The following DENND5B variants were observed in gnomAD, a reference collection of about 807,000 sequenced individuals.
DENND5B encodes the protein DENN domain containing 5B, also known as DENN domain-containing protein 5B.
Under a neutral mutation model 140.6 loss-of-function variants are expected in DENND5B, and 34 were observed. That is an observed-to-expected ratio of 0.24 (90% CI 0.18 to 0.32). DENND5B has a LOEUF of 0.32. DENND5B is among the 10% of genes least tolerant of loss of function. The pLI is 1.00. For missense variants in DENND5B, 1,142 were observed against 1,560.2 expected, an observed-to-expected ratio of 0.73 and a Z score of 4.52; for synonymous variants, 551 against 562.1, an observed-to-expected ratio of 0.98 and a Z score of 0.28.
chr12:31,519,341 C>T (rs1046196742), intron 1 of DENND5B, among the ~76,000 whole-genome samples: 1 of 152,098 alleles, frequency 6.6e-6, no homozygotes, highest in African/African-American at 2.4e-5. Flanking sequence ...ATAGGATGAA[C>T]CTGAGGTACA....
intron 8 of DENND5B, chr12:31,432,307 A>G (rs1417310105): frequency 6.3e-6 from 1 of 158,168 alleles, no homozygotes; most frequent in Admixed American, 6.5e-5. Context: ...AGCACTACAC[A>G]GGTGATGCCT....
intron 1 of DENND5B, among the ~76,000 whole-genome samples, chr12:31,579,723 AG>A (rs1950148531): frequency 1.7e-4 from 4 of 24,028 alleles, no homozygotes; most frequent in African/African-American, 3.3e-4. Flanking sequence ...TGAGAGAAAG[AG>A]GGAAGGGGAG....
chr12:31,522,001 A>AT (rs748975862), intron 1 of DENND5B, among the ~76,000 whole-genome samples: 18 of 152,106 alleles, frequency 1.2e-4, no homozygotes, highest in Non-Finnish European at 1.6e-4. Context: ...CTTCAATTCT[A>AT]TTTACTACCC....
Position 31,386,986 on chromosome 12 carries a change from A to G in DENND5B, c.*617T>C, listed in dbSNP as rs1940879826. 1 of 152,240 alleles carries G rather than the reference A, an allele frequency of 6.6e-6. No individual in the cohort carries two copies. The highest frequency in any genetic ancestry group is 1.5e-5 in the Non-Finnish European group (1 of 68,054). The allele number at this position is 152,240 out of a possible 1,614,324, so 9.4% of individuals were successfully genotyped here. On this transcript the variant is annotated 3_prime_UTR_variant, in exon 21 of 21. Coordinates refer to ENST00000389082, the MANE Select transcript of DENND5B (RefSeq NM_144973.4). ...GTCTAGTGTTTAAAATACTCCAATT[A>G]TATCATCTTGTGCGGACTGAAATTT...
intron 1 of DENND5B, among the ~76,000 whole-genome samples, chr12:31,579,812 GA>G (rs1287811127): frequency 6.7e-6 from 1 of 149,324 alleles, no homozygotes; most frequent in East Asian, 1.9e-4. Flanking sequence ...AGAGAAGAGA[GA>G]AGAGAGAAGA....
chr12:31,482,731 T>C (rs1252712383), intron 2 of DENND5B, among the ~76,000 whole-genome samples: 2 of 152,150 alleles, frequency 1.3e-5, no homozygotes, highest in Non-Finnish European at 2.9e-5. Context: ...TTTTGATCTT[T>C]ACGCTTACCA....
intron 1 of DENND5B, among the ~76,000 whole-genome samples, chr12:31,584,086 C>T (rs1422879770): frequency 1.3e-5 from 2 of 152,176 alleles, no homozygotes; most frequent in Admixed American, 1.3e-4. Context: ...TAGATATTTA[C>T]TTTTATTACT....
Position 31,460,259 on chromosome 12 carries a change from G to A in DENND5B, c.1027C>T (p.Pro343Ser), listed in dbSNP as rs1216704650. ...TTTGACTGAAGGCCCATCAGATAAG[G>A]GACAGGAGCATCAAGAAAATGTAGC... ...SLLHFLDAPV[P>S]YLMGLQSKEG... Residue 343 changes from proline to serine, a missense_variant, in exon 4 of 21, where the codon CCT becomes TCT. Transcript: ENST00000389082. The A allele has an allele frequency of 1.9e-6, 3 of 1,613,852 alleles. No homozygotes were observed. The highest frequency in any genetic ancestry group is 2.7e-5 in the African/African-American group (2 of 75,016).
chr12:31,532,973 G>T (rs1248577841), intron 1 of DENND5B, among the ~76,000 whole-genome samples: 1 of 152,154 alleles, frequency 6.6e-6, no homozygotes, highest in Non-Finnish European at 1.5e-5. Flanking sequence ...CAATTTGTAG[G>T]CATCGGTTTT....
chr12:31,439,929 C>CAAAAAAAAA (rs67272470), intron 7 of DENND5B, among the ~76,000 whole-genome samples: 10 of 52,298 alleles, frequency 1.9e-4, no homozygotes, highest in Admixed American at 7.6e-4. Context: ...GACTCCGTCT[C>CAAAAAAAAA]AAAAAAAAAA....
At chr12:31,401,226 T>C (rs1381426240) in intron 15 of DENND5B, among the ~76,000 whole-genome samples, 2 of 152,206 alleles carry the variant, frequency 1.3e-5, no homozygotes, top group African/African-American at 4.8e-5. Flanking sequence ...TGATGGCATC[T>C]TGAATTAGTT....
At chr12:31,531,915 T>C (rs1948302894) in intron 1 of DENND5B, among the ~76,000 whole-genome samples, 3 of 152,204 alleles carry the variant, frequency 2.0e-5, no homozygotes, top group Admixed American at 2.0e-4. Flanking sequence ...CAGCCAGACC[T>C]TACAGAGAAT....
chr12:31,516,192 T>A (rs753165438), intron 1 of DENND5B, among the ~76,000 whole-genome samples: 1 of 152,066 alleles, frequency 6.6e-6, no homozygotes, highest in Non-Finnish European at 1.5e-5. Flanking sequence ...CTAAACAAAT[T>A]AAGCATGGGT....
At chr12:31,437,012 GCCT>G (rs1183283772) in intron 7 of DENND5B, among the ~76,000 whole-genome samples, 1 of 152,024 alleles carries the variant, frequency 6.6e-6, no homozygotes, top group Non-Finnish European at 1.5e-5. Flanking sequence ...CATCCTGTAC[GCCT>G]CAATTATAGT....
At chr12:31,541,026 G>C in intron 1 of DENND5B, 1 of 441,038 alleles carries the variant, frequency 2.3e-6, no homozygotes, top group South Asian at 1.6e-5. Flanking sequence ...GGTTGACCCC[G>C]TATCTCTTAC....
rs1940699666 is a variant in DENND5B at position 31,383,097 on chromosome 12, A to C, written c.*4506T>G. The C allele has an allele frequency of 6.6e-6, 1 of 152,210 alleles. No homozygotes were observed. The highest frequency in any genetic ancestry group is 1.5e-5 in the Non-Finnish European group (1 of 68,034). 9.4% of individuals were successfully genotyped at this position (152,210 alleles called of 1,614,324 possible). On this transcript the variant is annotated 3_prime_UTR_variant, in exon 21 of 21. Transcript: ENST00000389082. ...TCAGTGAAGGTGTGTTAATACTGAA[A>C]TATAAATAGCTAAAGTTCAGATTGT...
chr12:31,527,613 A>T (rs1455295312), intron 1 of DENND5B, among the ~76,000 whole-genome samples: 1 of 152,116 alleles, frequency 6.6e-6, no homozygotes, highest in East Asian at 1.9e-4. Flanking sequence ...CCCTGTCTCT[A>T]CTAAAAATAC....
intron 18 of DENND5B, 40 bp from the exon 19 acceptor site, chr12:31,392,433 G>T (rs773378891): frequency 6.2e-7 from 1 of 1,606,746 alleles, no homozygotes; most frequent in Non-Finnish European, 8.5e-7. Flanking sequence ...AAAATCTCCT[G>T]CATCTATGTC....
intron 1 of DENND5B, among the ~76,000 whole-genome samples, chr12:31,534,313 C>A (rs912215301): frequency 4.6e-5 from 7 of 152,016 alleles, no homozygotes; most frequent in African/African-American, 1.7e-4. Context: ...ACATGTGCCA[C>A]GATACTCAGC....
Sources: allele counts gnomAD v4.1 joint callset (sites outside exome capture counted in the v4.1 genomes callset), GRCh38; gene constraint gnomAD v4.1.1; transcripts MANE v1.5; gene names NCBI Gene and HGNC (gene_info 2026-07-23, HGNC 2026-07-21).